The following PHF8 variants were observed in gnomAD, a reference collection of about 807,000 sequenced individuals.
PHF8 encodes PHD finger protein 8, also known as histone lysine demethylase PHF8.
Under a neutral mutation model 74.4 loss-of-function variants are expected in PHF8, and 9 were observed. The observed-to-expected ratio is 0.12, with a 90% confidence interval of 0.07 to 0.21. The LOEUF (loss-of-function observed/expected upper bound fraction) is 0.21, where lower values mean the gene tolerates loss of function less well. PHF8 is among the 10% of genes least tolerant of loss of function. PHF8 has a pLI of 1.00. For synonymous variants in PHF8, 311 were observed against 316.6 expected, an observed-to-expected ratio of 0.98 and a Z score of 0.19; for missense variants, 478 against 816.6, an observed-to-expected ratio of 0.59 and a Z score of 5.05.
intron 14 of PHF8, among the ~76,000 whole-genome samples, chrX:53,991,674 A>AAC (rs1391767109): frequency 5.7e-5 from 6 of 105,384 alleles, no homozygotes; most frequent in African/African-American, 2.1e-4. Context: ...AAAAAAAAAA[A>AAC]AAAAAAAAAA....
intron 8 of PHF8, among the ~76,000 whole-genome samples, chrX:54,005,992 T>C (rs1408868079): frequency 1.8e-5 from 2 of 111,953 alleles, no homozygotes; most frequent in African/African-American, 3.2e-5. Context: ...TTATGTTTCA[T>C]AGGGAAAGCA....
intron 18 of PHF8, among the ~76,000 whole-genome samples, chrX:53,967,341 A>C (rs1557093213): frequency 9.7e-6 from 1 of 102,875 alleles, no homozygotes; most frequent in Non-Finnish European, 2.0e-5. Flanking sequence ...CCGCCCGGCC[A>C]GCCGCCCCGT....
intron 2 of PHF8, among the ~76,000 whole-genome samples, chrX:54,035,662 A>G (rs935685793): frequency 4.5e-5 from 5 of 110,827 alleles, no homozygotes; most frequent in African/African-American, 1.6e-4. Context: ...AAATTAGGGC[A>G]CACAGTGGCA....
chrX:53,956,038 G>A (rs1167524306), intron 19 of PHF8, among the ~76,000 whole-genome samples: 13 of 111,289 alleles, frequency 1.2e-4, no homozygotes, highest in Admixed American at 3.9e-4. Context: ...CTTGAGGTCA[G>A]GAGTTTGAGA....
intron 5 of PHF8, 29 bp from the exon 6 acceptor site, chrX:54,016,765 A>C (rs781832587): frequency 8.6e-7 from 1 of 1,167,390 alleles, no homozygotes; most frequent in Non-Finnish European, 1.2e-6. Flanking sequence ...TTCTGCACCA[A>C]GTAGTCTCAG....
At chrX:53,952,475 T>C (rs1449211615) in intron 19 of PHF8, among the ~76,000 whole-genome samples, 2 of 111,864 alleles carry the variant, frequency 1.8e-5, no homozygotes, top group Non-Finnish European at 3.8e-5. Context: ...AAGCAATTAC[T>C]ATAACCCTGT....
intron 11 of PHF8, among the ~76,000 whole-genome samples, chrX:53,996,120 CTTTTTTTT>C (rs1160168507): frequency 9.7e-6 from 1 of 103,180 alleles, no homozygotes; most frequent in Admixed American, 1.0e-4. Context: ...CATTATGAGA[CTTTTTTTT>C]TTTTTGAGAT....
chrX:53,961,974 T>A (rs1209255952), intron 19 of PHF8, among the ~76,000 whole-genome samples: 1 of 112,339 alleles, frequency 8.9e-6, no homozygotes, highest in East Asian at 2.8e-4. Context: ...GGGACAACAG[T>A]AAATATGACT....
chrX:54,013,428 T>G (rs782413625), intron 7 of PHF8, among the ~76,000 whole-genome samples: 1 of 111,870 alleles, frequency 8.9e-6, no homozygotes, highest in Non-Finnish European at 1.9e-5. Flanking sequence ...CTCAATAATG[T>G]TGGAGAAAGG....
chrX:54,045,606 G>GCCTT (rs1403053398), upstream of PHF8, among the ~76,000 whole-genome samples: 1 of 112,679 alleles, frequency 8.9e-6, no homozygotes, highest in East Asian at 2.8e-4. Flanking sequence ...CTACAAAAGA[G>GCCTT]CCTTACAAGC....
At chrX:54,044,967 T>C, upstream of PHF8, 4 of 894,767 alleles carry the variant, frequency 4.5e-6, no homozygotes, top group Admixed American at 1.1e-4. Context: ...GGAAGCTCTG[T>C]GATTATCACC....
intron 2 of PHF8, among the ~76,000 whole-genome samples, chrX:54,040,909 G>A (rs1389297343): frequency 8.9e-6 from 1 of 111,971 alleles, no homozygotes; most frequent in Non-Finnish European, 1.9e-5. Context: ...CACCCTCTAG[G>A]GTTGTCCCCT....
Position 54,043,949 on chromosome X carries a change from C to T in PHF8, c.-280G>A. 2.6e-6 allele frequency: 2 copies of T among 755,027 alleles called. No individual in the cohort carries two copies. Among genetic ancestry groups the T allele is most frequent in the Non-Finnish European group, 3.1e-6 (2 of 639,473 alleles). 62.2% of individuals were successfully genotyped at this position (755,027 alleles called of 1,213,427 possible). A position where few individuals can be genotyped will look rare whatever the true frequency, so the allele number is the denominator to read the frequency against. ...GCTCCGGGACTGCGAAGCGCCTCAGCGGAGGCTCGTCCGGTAGTTCCGGCC... is the reference window on the plus strand; with the variant it reads ...GCTCCGGGACTGCGAAGCGCCTCAGTGGAGGCTCGTCCGGTAGTTCCGGCC... On this transcript the variant is annotated 5_prime_UTR_variant, in exon 1 of 22. Coordinates refer to ENST00000338154, the MANE Select transcript of PHF8 (RefSeq NM_015107.3).
At chrX:53,962,982 A>C (rs782814206) in intron 18 of PHF8, 43 bp from the exon 19 acceptor site, 19 of 827,293 alleles carry the variant, frequency 2.3e-5, no homozygotes, top group Non-Finnish European at 3.3e-5. Context: ...GATTTCATCC[A>C]AAGGGTGAAG....
chrX:53,984,861 T>C, intron 18 of PHF8, 53 bp downstream of exon 18: 3 of 973,625 alleles, frequency 3.1e-6, no homozygotes, highest in Non-Finnish European at 4.4e-6. Context: ...GGATGGAGAC[T>C]GGGACTGAGG....
chrX:53,999,595 C>T, intron 11 of PHF8: 1 of 313,062 alleles, frequency 3.2e-6, no homozygotes. Context: ...GTGTTAATAG[C>T]AGTTCCCGCT....
chrX:54,022,923 G>A, intron 2 of PHF8, 80 bp from the exon 3 acceptor site: 1 of 567,876 alleles, frequency 1.8e-6, no homozygotes. Context: ...CAGTAGAACA[G>A]CTATTAAGTA....
At chrX:54,046,088 A>G (rs1241991761), upstream of PHF8, among the ~76,000 whole-genome samples, 2 of 111,004 alleles carry the variant, frequency 1.8e-5, no homozygotes, top group South Asian at 3.8e-4. Flanking sequence ...AACTGAGACT[A>G]TAGGCGCACA....
intron 4 of PHF8, among the ~76,000 whole-genome samples, chrX:54,021,555 G>A (rs1431276417): frequency 2.4e-5 from 2 of 84,959 alleles, no homozygotes; most frequent in African/African-American, 4.6e-5. Context: ...TGCAAGCTCC[G>A]CCTCCCGGGT....
Sources: allele counts gnomAD v4.1 joint callset (sites outside exome capture counted in the v4.1 genomes callset), GRCh38; gene constraint gnomAD v4.1.1; transcripts MANE v1.5; gene names NCBI Gene and HGNC (gene_info 2026-07-23, HGNC 2026-07-21).